The following LRFN2 variants were observed in gnomAD, a reference collection of about 807,000 sequenced individuals.
LRFN2 encodes the protein leucine rich repeat and fibronectin type III domain containing 2.
In LRFN2, 18 loss-of-function variants were observed where a neutral mutation model predicts 37.3. That is an observed-to-expected ratio of 0.48 (90% confidence interval 0.33 to 0.72). The LOEUF is 0.72. Among genes scored for constraint, LRFN2 ranks in the 30% least tolerant of loss-of-function variants. The probability of loss-of-function intolerance (pLI) is 0.02; values close to 1 mark genes in which losing one functional copy is unlikely to be tolerated. For synonymous variants in LRFN2, 556 were observed against 466.6 expected (o/e 1.19, Z -2.47); for missense variants, 1,006 against 1,060.7 (o/e 0.95, Z 0.72).
At chr6:40,410,755 G>T (rs575428707) in intron 2 of LRFN2, among the ~76,000 whole-genome samples, 1 of 152,162 alleles carries the variant, frequency 6.6e-6, no homozygotes, top group African/African-American at 2.4e-5. Context: ...AAGATGAGCC[G>T]CCTGAGGGCA....
intron 2 of LRFN2, among the ~76,000 whole-genome samples, chr6:40,426,523 T>C (rs913372896): frequency 2.6e-5 from 4 of 152,140 alleles, no homozygotes; most frequent in African/African-American, 4.8e-5. Flanking sequence ...GAGAGGAAGA[T>C]AGATACAAAG....
At position 40,392,812 on chromosome 6, in the gene LRFN2, T is replaced by C; in HGVS notation, c.1501A>G (p.Thr501Ala). 6.2e-7 allele frequency: 1 copy of C among 1,614,044 alleles called. No individual in the cohort carries two copies. The highest frequency in any genetic ancestry group is 8.5e-7 in the Non-Finnish European group (1 of 1,179,988). ...CCCACGATGTTGGTGGCCGTGAGTG[T>C]CGTGGCTGTGTCATCCCACATGGCC... is the stretch of plus-strand genomic sequence containing the variant. ...VLAMWDDTATTLTATNIVGCA... is the reference protein window; with the variant it reads ...VLAMWDDTATALTATNIVGCA... The change falls in exon 3 of 3, where the codon ACA becomes GCA. Residue 501 changes from threonine to alanine, a missense_variant. Thr to Ala is a moderately conservative substitution (Grantham distance 58, BLOSUM62 0). Around this residue, in one of 4 missense-constraint regions of LRFN2, gnomAD observed 120 missense variants for 178.4 expected, o/e 0.67. Transcript: ENST00000338305. This position sits in a 1 kb window ranked among gnomAD's most constrained non-coding sequence, Gnocchi z 4.7.
chr6:40,440,870 G>A (rs993716681), intron 1 of LRFN2, among the ~76,000 whole-genome samples: 2 of 151,968 alleles, frequency 1.3e-5, no homozygotes, highest in Non-Finnish European at 2.9e-5. Context: ...CTCATTTCCT[G>A]CAATCATTAC....
intron 1 of LRFN2, among the ~76,000 whole-genome samples, chr6:40,543,020 T>C (rs535060453): frequency 4.3e-4 from 66 of 152,354 alleles, no homozygotes; most frequent in Non-Finnish European, 6.8e-4. Flanking sequence ...ATGTTTCATC[T>C]GCAAAATGGG....
intron 1 of LRFN2, among the ~76,000 whole-genome samples, chr6:40,579,949 T>C (rs1767365561): frequency 6.6e-6 from 1 of 152,088 alleles, no homozygotes; most frequent in Admixed American, 6.5e-5. Context: ...GCTTACCACA[T>C]CTTAAAGGAA....
chr6:40,422,438 A>C (rs1238011584), intron 2 of LRFN2, among the ~76,000 whole-genome samples: 1 of 151,984 alleles, frequency 6.6e-6, no homozygotes, highest in Non-Finnish European at 1.5e-5. Flanking sequence ...CTGACTCAGA[A>C]TCCCTTTTTT....
intron 2 of LRFN2, among the ~76,000 whole-genome samples, chr6:40,398,631 C>G (rs1345458544): frequency 2.0e-5 from 3 of 151,742 alleles, no homozygotes; most frequent in Non-Finnish European, 4.4e-5. Flanking sequence ...TGTAAACTAC[C>G]AACATCTCTG....
chr6:40,531,740 A>G (rs1766346622), intron 1 of LRFN2, among the ~76,000 whole-genome samples: 1 of 151,846 alleles, frequency 6.6e-6, no homozygotes, highest in South Asian at 2.1e-4. Context: ...TAGCTTCTCC[A>G]TCTCCACTAC....
At chr6:40,396,956 C>T (rs552194637) in intron 2 of LRFN2, among the ~76,000 whole-genome samples, 7 of 152,198 alleles carry the variant, frequency 4.6e-5, no homozygotes, top group Admixed American at 3.3e-4. Flanking sequence ...GAAGTTATTC[C>T]GGTTTAGAGA....
intron 1 of LRFN2, among the ~76,000 whole-genome samples, chr6:40,462,579 C>T (rs147931206): frequency 6.6e-5 from 10 of 152,170 alleles, no homozygotes; most frequent in Admixed American, 3.9e-4. Context: ...TTATTCAGTC[C>T]TTGTAAAGCA....
intron 2 of LRFN2, among the ~76,000 whole-genome samples, chr6:40,396,714 G>GTGTGTGTGTGTGTGTGTGTGTT (rs1762622588): frequency 2.1e-5 from 3 of 143,510 alleles, no homozygotes; most frequent in African/African-American, 7.8e-5. Context: ...GTGTGTGTGT[G>GTGTGTGTGTGTGTGTGTGTGTT]TGTGTGTGTG....
chr6:40,534,620 TGA>T (rs1766416543), intron 1 of LRFN2, among the ~76,000 whole-genome samples: 2 of 152,200 alleles, frequency 1.3e-5, no homozygotes. Context: ...AAAGATTTTA[TGA>T]GACTTGGCTG....
rs9394687 is a variant in LRFN2, at chr6:40,406,175, G to A, written c.1401-13263C>T. On this transcript the variant is annotated intron_variant, in intron 2 of 2. Transcript: ENST00000338305. ...CAAGCCACGTAACCACCCTGTAAGA[G>A]GGAGCAGATGATACAGCCCCGTCGC... Among the ~76,000 whole-genome samples, 1,511 of 152,320 alleles carry A rather than the reference G, an allele frequency of 9.9e-3. 42 individuals carry two copies. The highest frequency in any genetic ancestry group is 0.083 in the East Asian group (431 of 5,184).
rs1172226823 is a variant in LRFN2 at position 40,397,484 on chromosome 6, C to T, written c.1401-4572G>A. Among the ~76,000 whole-genome samples, 3 of 152,192 alleles carry T rather than the reference C, an allele frequency of 2.0e-5. No homozygotes were observed. In the East Asian group the frequency reaches 5.8e-4, roughly 29 times the overall value. On this transcript the variant is annotated intron_variant, in intron 2 of 2. Transcript: ENST00000338305. Reference sequence around the variant, plus strand: ...CACAACTCTGGCTGTGTCGCCTGCCCACTGAGATGCTTCAAGTACTAACTA... The same window carrying T: ...CACAACTCTGGCTGTGTCGCCTGCCTACTGAGATGCTTCAAGTACTAACTA...
intron 1 of LRFN2, among the ~76,000 whole-genome samples, chr6:40,471,296 A>G: frequency 6.6e-6 from 1 of 152,144 alleles, no homozygotes; most frequent in East Asian, 1.9e-4. Context: ...AATCCAAACC[A>G]TGGGAAGATG....
chr6:40,557,043 T>C (rs989960136), intron 1 of LRFN2, among the ~76,000 whole-genome samples: 32 of 152,102 alleles, frequency 2.1e-4, no homozygotes, highest in African/African-American at 7.2e-4. Context: ...TTTCCCCAAG[T>C]CTGGCTCCCC....
intron 1 of LRFN2, among the ~76,000 whole-genome samples, chr6:40,550,089 G>A (rs752117182): frequency 2.0e-5 from 3 of 152,150 alleles, no homozygotes; most frequent in Admixed American, 1.3e-4. Flanking sequence ...TTCTGGCAGT[G>A]AGGACAATTA....
At chr6:40,486,263 C>T (rs992615411) in intron 1 of LRFN2, among the ~76,000 whole-genome samples, 4 of 152,184 alleles carry the variant, frequency 2.6e-5, no homozygotes, top group Non-Finnish European at 4.4e-5. Flanking sequence ...GATAGTGTGC[C>T]GTCCACAGAG....
chr6:40,523,194 C>A (rs1766137817), intron 1 of LRFN2, among the ~76,000 whole-genome samples: 2 of 152,314 alleles, frequency 1.3e-5, no homozygotes, highest in South Asian at 4.1e-4. Flanking sequence ...CTGTGAAGGT[C>A]CTTGCCACAC....
Sources: allele counts gnomAD v4.1 joint callset (sites outside exome capture counted in the v4.1 genomes callset), GRCh38; gene constraint gnomAD v4.1.1; regional missense constraint gnomAD v4.1.1; non-coding constraint Gnocchi (gnomAD v3.1); transcripts MANE v1.5; gene names NCBI Gene and HGNC (gene_info 2026-07-23, HGNC 2026-07-21).